CDK5RAP2: variants seen among roughly 807,000 people sequenced by gnomAD.
CDK5RAP2 encodes the protein CDK5 regulatory subunit-associated protein 2.
Under a neutral mutation model 232.9 loss-of-function variants are expected in CDK5RAP2, and 147 were observed. The observed-to-expected ratio is 0.63, with a 90% CI of 0.55 to 0.72. The LOEUF (loss-of-function observed/expected upper bound fraction) is 0.72. CDK5RAP2 is among the 30% of genes least tolerant of loss of function. The probability of loss-of-function intolerance (pLI) is 0.00; values close to 1 mark genes in which losing one functional copy is unlikely to be tolerated. For missense variants in CDK5RAP2, 2,195 were observed against 2,231.5 expected, an observed-to-expected ratio of 0.98 and a Z score of 0.33; for synonymous variants, 833 against 833.7, an observed-to-expected ratio of 1.00 and a Z score of 0.01.
intron 11 of CDK5RAP2, among the ~76,000 whole-genome samples, chr9:120,523,403 G>A (rs145686495): frequency 3.3e-4 from 50 of 152,268 alleles, no homozygotes; most frequent in African/African-American, 1.2e-3. Context: ...TTCAGCTTCT[G>A]AAGCTTGTTA....
intron 4 of CDK5RAP2, among the ~76,000 whole-genome samples, chr9:120,546,076 T>C (rs1010334383): frequency 6.6e-6 from 1 of 152,212 alleles, no homozygotes; most frequent in African/African-American, 2.4e-5. Context: ...ATAAATGTCA[T>C]ACAAGGAAGG....
At chr9:120,477,659 AAGC>A (rs2038088396) in intron 14 of CDK5RAP2, among the ~76,000 whole-genome samples, 1 of 152,108 alleles carries the variant, frequency 6.6e-6, no homozygotes, top group Admixed American at 6.5e-5. Context: ...TCCCAGAACA[AAGC>A]AGAGAGCTGA....
rs1165984467 is a variant in CDK5RAP2, at chr9:120,418,325, G to A, written c.4177+1463C>T. ...AGAAATAGAACAAGGTTGGGGTGGTGGACAGGGCGAAGGGTGGAAAAAGAG... is the reference window on the plus strand; with the variant it reads ...AGAAATAGAACAAGGTTGGGGTGGTAGACAGGGCGAAGGGTGGAAAAAGAG... On this transcript the variant is annotated intron_variant, in intron 27 of 37. Transcript: ENST00000349780. 2.0e-5 allele frequency among the ~76,000 whole-genome samples: 3 copies of A among 152,196 alleles called. No individual in the cohort carries two copies. In the East Asian group the frequency reaches 5.8e-4, roughly 29 times the overall value.
intron 18 of CDK5RAP2, among the ~76,000 whole-genome samples, chr9:120,464,262 C>T (rs2037251583): frequency 6.6e-6 from 1 of 152,102 alleles, no homozygotes; most frequent in African/African-American, 2.4e-5. Flanking sequence ...GGGAGAACTT[C>T]CCTTAATCCC....
At chr9:120,525,290 T>G (rs998867954) in intron 10 of CDK5RAP2, among the ~76,000 whole-genome samples, 2 of 152,180 alleles carry the variant, frequency 1.3e-5, no homozygotes, top group African/African-American at 4.8e-5. Flanking sequence ...TCCTCAACTG[T>G]AAAATGAGGA....
chr9:120,437,499 T>G lies in CDK5RAP2; in HGVS notation c.3751A>C (p.Arg1251=), dbSNP rs769194456. The G allele has an allele frequency of 5.6e-6, 9 of 1,613,894 alleles. No homozygotes were observed. The highest frequency in any genetic ancestry group is 4.0e-5 in the African/African-American group (3 of 74,928). The change falls in exon 25 of 38, where the codon AGG becomes CGG. Residue 1251 remains arginine (R), a synonymous_variant. Transcript: ENST00000349780. ...TGCTGCCGTTGAAGGGAGAGCTCCC[T>G]GGCTTGGGACTGAACTAATGAATCG... The part of the protein sequence containing the change: ...RYDSLVQSQA[R]ELSLQRQQIK...
At chr9:120,410,169 A>T (rs2033754942) in intron 29 of CDK5RAP2, among the ~76,000 whole-genome samples, 1 of 152,230 alleles carries the variant, frequency 6.6e-6, no homozygotes, top group African/African-American at 2.4e-5. Flanking sequence ...CTAAGGTCAC[A>T]CAGCCAGTAG....
chr9:120,411,522 G>T (rs771389857), intron 28 of CDK5RAP2, 48 bp from the exon 29 acceptor site: 2 of 1,004,196 alleles, frequency 2.0e-6, no homozygotes, highest in African/African-American at 3.2e-5. Context: ...CTCCAGATCA[G>T]TATAGACAGA....
At chr9:120,422,854 C>A in intron 25 of CDK5RAP2, 113 bp from the exon 26 acceptor site, 1 of 763,872 alleles carries the variant, frequency 1.3e-6, no homozygotes. Context: ...TTTAAACACT[C>A]TGTAACAATC....
intron 20 of CDK5RAP2, among the ~76,000 whole-genome samples, chr9:120,455,053 T>G (rs1000101546): frequency 6.6e-6 from 1 of 152,286 alleles, no homozygotes; most frequent in Admixed American, 6.5e-5. Context: ...GAAGAGCCCC[T>G]TGTGTGTTTC....
At chr9:120,500,394 T>C (rs141114557) in intron 12 of CDK5RAP2, among the ~76,000 whole-genome samples, 1 of 152,322 alleles carries the variant, frequency 6.6e-6, no homozygotes, top group East Asian at 1.9e-4. Flanking sequence ...TGTGACAAAC[T>C]TCCTTCCAAA....
rs142478904 is a variant in CDK5RAP2 at position 120,400,915 on chromosome 9, G to A, written c.5308-30C>T. 2.6e-3 allele frequency: 4,251 copies of A among 1,613,518 alleles called. 99 individuals carry two copies. The African/African-American group carries it at 0.048, about 18-fold the overall frequency. On this transcript the variant is annotated intron_variant, in intron 34 of 37. Coordinates refer to ENST00000349780, the MANE Select transcript of CDK5RAP2 (RefSeq NM_018249.6). ...ACGGGGGATATGAAGGCTGTTACGT[G>A]CAGTCTTGAAAAAGATTTTAGACAA...
chr9:120,422,268 G>A (rs1367261297), intron 26 of CDK5RAP2, among the ~76,000 whole-genome samples: 1 of 152,198 alleles, frequency 6.6e-6, no homozygotes, highest in Non-Finnish European at 1.5e-5. Flanking sequence ...CAGCTATGGT[G>A]TGGAGAATAA....
chr9:120,477,293 G>A (rs903022483), intron 15 of CDK5RAP2, 57 bp downstream of exon 15: 28 of 1,199,996 alleles, frequency 2.3e-5, no homozygotes, highest in Middle Eastern at 3.8e-4. Context: ...GCGTGTATGC[G>A]CGTGCATGTG....
At chr9:120,401,040 A>G in intron 34 of CDK5RAP2, 155 bp from the exon 35 acceptor site, 1 of 707,394 alleles carries the variant, frequency 1.4e-6, no homozygotes, top group African/African-American at 1.8e-5. Context: ...TATTGTTCTT[A>G]AAGACTGGTG....
intron 14 of CDK5RAP2, among the ~76,000 whole-genome samples, chr9:120,483,856 G>C (rs2038453879): frequency 6.6e-6 from 1 of 152,190 alleles, no homozygotes; most frequent in African/African-American, 2.4e-5. Context: ...GACATGTAAG[G>C]AGAAAGCTTA....
Position 120,415,174 on chromosome 9 carries a change from C to T in CDK5RAP2, c.4178-15G>A. 1 of 1,613,514 alleles carries T rather than the reference C, an allele frequency of 6.2e-7. No individual in the cohort carries two copies. The highest frequency in any genetic ancestry group is 8.5e-7 in the Non-Finnish European group (1 of 1,179,530). On this transcript the variant is annotated splice_polypyrimidine_tract_variant and intron_variant, in intron 27 of 37. Coordinates refer to ENST00000349780, the MANE Select transcript of CDK5RAP2 (RefSeq NM_018249.6). ...CATTAGTAAGTCTACAGGAAGGAAG[C>T]CATTTTTAATTTAAAGTCTGAACCC...
intron 3 of CDK5RAP2, among the ~76,000 whole-genome samples, chr9:120,559,568 A>G (rs1193952478): frequency 2.1e-5 from 3 of 142,020 alleles, no homozygotes; most frequent in African/African-American, 7.8e-5. Context: ...TAAGAGAAAC[A>G]AGAAAAAAAA....
At chr9:120,435,875 C>A (rs2035551277) in intron 25 of CDK5RAP2, among the ~76,000 whole-genome samples, 1 of 152,136 alleles carries the variant, frequency 6.6e-6, no homozygotes, top group South Asian at 2.1e-4. Flanking sequence ...TCTTCTAGTA[C>A]ATGCCACCTA....
Sources: gnomAD v4.1 joint callset for allele counts (sites outside exome capture counted in the v4.1 genomes callset) on GRCh38, gnomAD v4.1.1 for gene constraint, MANE v1.5 for transcripts, NCBI Gene and HGNC (gene_info 2026-07-23, HGNC 2026-07-21) for gene names.